SASH3: variants seen among roughly 807,000 people sequenced by gnomAD.
The protein encoded by SASH3 is SAM and SH3 domain-containing protein 3.
SASH3 carries 7 observed loss-of-function variants against 26.1 expected under a neutral mutation model. The ratio of observed to expected loss-of-function variants is 0.27; its 90% CI spans 0.15 to 0.50. The LOEUF (loss-of-function observed/expected upper bound fraction) is 0.50. SASH3 is among the 20% of genes least tolerant of loss of function. The pLI, the probability that SASH3 is intolerant of heterozygous loss-of-function variation, is 0.98. For missense variants in SASH3, 231 were observed against 318.3 expected, an observed-to-expected ratio of 0.73 and a Z score of 2.09; for synonymous variants, 138 against 136.8, an observed-to-expected ratio of 1.01 and a Z score of -0.06.
chrX:129,793,668 G>A lies in SASH3; in HGVS notation c.979G>A (p.Ala327Thr), dbSNP rs138105032. 80 of 1,210,465 alleles carry A rather than the reference G, an allele frequency of 6.6e-5. No homozygotes were observed. The highest frequency in any genetic ancestry group is 1.2e-4 in the East Asian group (4 of 33,794). ...DTGSEEAEEG[A>T]ESSQEPVAHT... ...TGGCAGTGAGGAGGCTGAAGAGGGC[G>A]CCGAGAGCAGCCAGGAGCCAGTGGC... is the stretch of plus-strand genomic sequence containing the variant. The change falls in exon 8 of 8, where the codon GCC (alanine) becomes ACC (threonine). Residue 327 changes from alanine to threonine, a missense_variant. Coordinates refer to ENST00000356892, the MANE Select transcript of SASH3 (RefSeq NM_018990.4).
At chrX:129,788,137 G>GGGGGGGGGGGGGGT in intron 2 of SASH3, 67 bp downstream of exon 2, 2 of 354,277 alleles carry the variant, frequency 5.6e-6, no homozygotes, top group African/African-American at 2.7e-5. Context: ...GGGTGGGAGG[G>GGGGGGGGGGGGGGT]AAGAGGGTGA....
At chrX:129,786,763 G>A (rs1927113797) in intron 1 of SASH3, among the ~76,000 whole-genome samples, 1 of 111,603 alleles carries the variant, frequency 9.0e-6, no homozygotes, top group East Asian at 2.8e-4. Flanking sequence ...TTGGGAGGCT[G>A]AGGCGGCAGA....
At chrX:129,782,799 T>C (rs1475586900) in intron 1 of SASH3, among the ~76,000 whole-genome samples, 1 of 111,901 alleles carries the variant, frequency 8.9e-6, no homozygotes, top group African/African-American at 3.3e-5. Context: ...GCGGGCCCTC[T>C]AGAATGGTAG....
Position 129,792,808 on chromosome X carries a change from A to C in SASH3, c.773A>C (p.His258Pro), listed in dbSNP as rs770896257. Residue 258 changes from histidine to proline, a missense_variant, in exon 6 of 8, where the codon CAT becomes CCT. By Grantham distance (77) the His-to-Pro change is moderately conservative (BLOSUM62 -2). Transcript: ENST00000356892. ...AAGAGGCCCAAGCCTAAGACCCTGC[A>C]TGAGCTGCTGGAGCGCATCGGCCTG... ...KGKRPKPKTL[H>P]ELLERIGLEE... is the part of the protein sequence containing the mutation. 8.4e-7 allele frequency: 1 copy of C among 1,194,851 alleles called. No homozygotes were observed. The highest frequency in any genetic ancestry group is 1.1e-6 in the Non-Finnish European group (1 of 888,789).
In SASH3 at chrX:129,794,029, A is replaced by T; in HGVS notation, c.*197A>T. 1 of 422,407 alleles carries T rather than the reference A, an allele frequency of 2.4e-6. No homozygotes were observed. Among genetic ancestry groups the T allele is most frequent in the African/African-American group, 2.4e-5 (1 of 41,112 alleles). The allele number at this position is 422,407 out of a possible 1,213,427, so 34.8% of individuals were successfully genotyped here. A position where few individuals can be genotyped will look rare whatever the true frequency, so the allele number is the denominator to read the frequency against. On this transcript the variant is annotated 3_prime_UTR_variant, in exon 8 of 8. Coordinates refer to ENST00000356892, the MANE Select transcript of SASH3 (RefSeq NM_018990.4). ...AGCTGGAGTGGTTGGGGAGTCGCCC[A>T]AGGGCACATCCCACCTGCCTGAGCC...
At chrX:129,783,492 G>A (rs1288512922) in intron 1 of SASH3, among the ~76,000 whole-genome samples, 1 of 112,214 alleles carries the variant, frequency 8.9e-6, no homozygotes, top group East Asian at 2.8e-4. Flanking sequence ...ACATACTTGG[G>A]TTTCCAGAGT....
chrX:129,788,466 A>G lies in SASH3; in HGVS notation c.189A>G (p.Glu63=), dbSNP rs1410868736. The G allele has an allele frequency of 8.3e-7, 1 of 1,209,912 alleles. No homozygotes were observed. Among genetic ancestry groups the G allele is most frequent in the Non-Finnish European group, 1.1e-6 (1 of 894,936 alleles). The stretch of plus-strand genomic sequence containing the variant: ...ATGACTCAGGTGTCCCCACCCCAGA[A>G]GATGCTGGGAAGAGTGGCAAAAAGC... The part of the protein sequence containing the change: ...PEDDSGVPTP[E]DAGKSGKKLG... The change falls in exon 3 of 8, where the codon GAA becomes GAG. Residue 63 remains glutamate, a synonymous_variant. Coordinates refer to ENST00000356892, the MANE Select transcript of SASH3 (RefSeq NM_018990.4).
At chrX:129,782,394 A>T (rs962998636) in intron 1 of SASH3, among the ~76,000 whole-genome samples, 3 of 112,283 alleles carry the variant, frequency 2.7e-5, no homozygotes, top group Non-Finnish European at 5.6e-5. Flanking sequence ...CACAAGACTT[A>T]ATAGTACTAA....
intron 1 of SASH3, among the ~76,000 whole-genome samples, chrX:129,786,251 CT>C (rs1393833484): frequency 1.8e-5 from 2 of 111,520 alleles, no homozygotes; most frequent in Non-Finnish European, 3.8e-5. Context: ...CTTGCTGTGA[CT>C]TTTAGGAATG....
chrX:129,788,273 G>A, intron 2 of SASH3, 158 bp from the exon 3 acceptor site: 1 of 568,037 alleles, frequency 1.8e-6, no homozygotes, highest in Non-Finnish European at 2.8e-6. Flanking sequence ...TAAATTTATA[G>A]GGCTAAGGAC....
chrX:129,789,169 A>AAAAGAAAGAAAGAAAGAAAGAGAAAG (rs1927182814), intron 3 of SASH3, among the ~76,000 whole-genome samples: 1 of 36,413 alleles, frequency 2.7e-5, no homozygotes, highest in African/African-American at 1.1e-4. Context: ...AAGAAAGAGA[A>AAAAGAAAGAAAGAAAGAAAGAGAAAG]AAAAAAAAAA....
chrX:129,786,109 G>A (rs1927102019), intron 1 of SASH3, among the ~76,000 whole-genome samples: 1 of 110,808 alleles, frequency 9.0e-6, no homozygotes, highest in Admixed American at 9.6e-5. Context: ...CCCACCTATG[G>A]CCCCCTTTTC....
rs1195317081 is a variant in SASH3, at chrX:129,788,452, GTCCCCACCCCA to G, written c.176_186del (p.Val59GlyfsTer62). On this transcript the variant is annotated frameshift_variant, in exon 3 of 8. Coordinates refer to ENST00000356892, the MANE Select transcript of SASH3 (RefSeq NM_018990.4). LOFTEE classifies it high-confidence loss of function. ...ACAGATTCCAGAAGATGACTCAGGT[GTCCCCACCCCA>G]GAAGATGCTGGGAAGAGTGGCAAAA... The G allele has an allele frequency of 8.3e-7, 1 of 1,209,741 alleles. No individual in the cohort carries two copies. The highest frequency in any genetic ancestry group is 1.1e-6 in the Non-Finnish European group (1 of 894,946).
At chrX:129,782,626 T>C (rs1029467656) in intron 1 of SASH3, among the ~76,000 whole-genome samples, 5 of 112,314 alleles carry the variant, frequency 4.5e-5, no homozygotes, top group African/African-American at 1.6e-4. Context: ...TCCAGAATCT[T>C]GACCCCTTCT....
chrX:129,793,652 G>A lies in SASH3; in HGVS notation c.963G>A (p.Glu321=), dbSNP rs1486631949. 8 of 1,210,014 alleles carry A rather than the reference G, an allele frequency of 6.6e-6. No homozygotes were observed. The highest frequency in any genetic ancestry group is 6.7e-6 in the Non-Finnish European group (6 of 894,594). Residue 321 remains glutamate (E), a synonymous_variant, in exon 8 of 8, where the codon GAG becomes GAA. Coordinates refer to ENST00000356892, the MANE Select transcript of SASH3 (RefSeq NM_018990.4). ...ELLLDYDTGS[E]EAEEGAESSQ... ...TCTCGTCCCTGGCAGCTGGCAGTGAGGAGGCTGAAGAGGGCGCCGAGAGCA... is the reference window on the plus strand; with the variant it reads ...TCTCGTCCCTGGCAGCTGGCAGTGAAGAGGCTGAAGAGGGCGCCGAGAGCA...
Position 129,788,029 on chromosome X carries a change from T to A in SASH3, c.112T>A (p.Ser38Thr). ...GGATTTTGCCAAATCCAAACCCAGCTCCCCCGTGGTGAGCGAGAAGGAGTT... is the reference window on the plus strand; with the variant it reads ...GGATTTTGCCAAATCCAAACCCAGCACCCCCGTGGTGAGCGAGAAGGAGTT... The part of the protein sequence containing the change: ...FKDFAKSKPS[S>T]PVVSEKEFNL... Residue 38 changes from serine to threonine, a missense_variant, in exon 2 of 8, where the codon TCC becomes ACC. Transcript: ENST00000356892. The A allele has an allele frequency of 8.4e-7, 1 of 1,195,031 alleles. No individual in the cohort carries two copies.
chrX:129,780,461 A>C (rs1429084145), intron 1 of SASH3, among the ~76,000 whole-genome samples: 1 of 112,666 alleles, frequency 8.9e-6, no homozygotes, highest in East Asian at 2.8e-4. Context: ...GAATTTGAGA[A>C]TAACAAAATA....
At chrX:129,782,379 G>A (rs149437769) in intron 1 of SASH3, among the ~76,000 whole-genome samples, 285 of 112,383 alleles carry the variant, frequency 2.5e-3, no homozygotes, top group African/African-American at 8.7e-3. Flanking sequence ...TGCTGGCACA[G>A]AGAACACAAG....
At chrX:129,789,626 A>T (rs776589682) in intron 3 of SASH3, among the ~76,000 whole-genome samples, 44 of 110,906 alleles carry the variant, frequency 4.0e-4, no homozygotes, top group African/African-American at 1.4e-3. Context: ...GACAAGAGCA[A>T]AACTCCGTCT....
Sources: allele counts gnomAD v4.1 joint callset (sites outside exome capture counted in the v4.1 genomes callset), GRCh38; gene constraint gnomAD v4.1.1; transcripts MANE v1.5; gene names NCBI Gene and HGNC (gene_info 2026-07-23, HGNC 2026-07-21).